Variants in CCSER2 observed in about 807,000 individuals in gnomAD.
CCSER2 encodes the protein serine-rich coiled-coil domain-containing protein 2.
CCSER2 carries 46 observed loss-of-function variants against 92.3 expected under a neutral mutation model. The ratio of observed to expected loss-of-function variants is 0.50; its 90% CI spans 0.39 to 0.64. CCSER2 has a LOEUF of 0.64. Ranked by LOEUF, CCSER2 falls within the 30% of genes least tolerant of loss-of-function variation. The pLI, the probability that CCSER2 is intolerant of heterozygous loss-of-function variation, is 0.00. For missense variants in CCSER2, 1,244 were observed against 1,238.9 expected (o/e 1.00, Z -0.06); for synonymous variants, 433 against 431.4 (o/e 1.00, Z -0.04).
intron 4 of CCSER2, among the ~76,000 whole-genome samples, chr10:84,420,687 G>A (rs772810165): frequency 3.9e-5 from 6 of 151,942 alleles, no homozygotes; most frequent in Non-Finnish European, 7.4e-5. Flanking sequence ...TAATCCCAGC[G>A]CTTTGGGAGG....
At chr10:84,417,920 C>T (rs899549836) in intron 4 of CCSER2, 59 bp downstream of exon 4, 1 of 839,852 alleles carries the variant, frequency 1.2e-6, no homozygotes, top group Non-Finnish European at 2.1e-6. Flanking sequence ...CGACTGTAGC[C>T]AATTTGATAT....
chr10:84,355,501 C>A (rs1459744772), intron 1 of CCSER2, among the ~76,000 whole-genome samples: 8 of 152,184 alleles, frequency 5.3e-5, no homozygotes, highest in Non-Finnish European at 2.9e-5. Flanking sequence ...CCCAGTTAAG[C>A]ACTTTCTTTT....
At chr10:84,347,752 C>T (rs1316926900) in intron 1 of CCSER2, among the ~76,000 whole-genome samples, 24 of 149,420 alleles carry the variant, frequency 1.6e-4, no homozygotes, top group Middle Eastern at 3.6e-3. Flanking sequence ...GGGCGGCTGC[C>T]GGGCGGAGGG....
At chr10:84,394,218 C>T (rs1841691794) in intron 3 of CCSER2, among the ~76,000 whole-genome samples, 1 of 152,126 alleles carries the variant, frequency 6.6e-6, no homozygotes, top group South Asian at 2.1e-4. Context: ...CTACTATGCT[C>T]CAGGCATACT....
At chr10:84,444,695 G>T (rs1365116680) in intron 6 of CCSER2, among the ~76,000 whole-genome samples, 2 of 152,140 alleles carry the variant, frequency 1.3e-5, no homozygotes, top group Non-Finnish European at 2.9e-5. Context: ...CCAAACCCAA[G>T]CAAAGGAATC....
At chr10:84,341,091 C>T (rs1052403321) in intron 1 of CCSER2, among the ~76,000 whole-genome samples, 7 of 135,312 alleles carry the variant, frequency 5.2e-5, no homozygotes, top group African/African-American at 1.5e-4. Flanking sequence ...CCCAGGCTGG[C>T]GTGCAGTGGC....
intron 3 of CCSER2, among the ~76,000 whole-genome samples, chr10:84,409,345 G>T (rs1842532687): frequency 6.6e-6 from 1 of 151,236 alleles, no homozygotes; most frequent in African/African-American, 2.4e-5. Flanking sequence ...TCCTTATGTT[G>T]CCCAGGCTGG....
At chr10:84,366,369 A>G (rs940233722) in intron 1 of CCSER2, among the ~76,000 whole-genome samples, 2 of 152,194 alleles carry the variant, frequency 1.3e-5, no homozygotes, top group Admixed American at 1.3e-4. Flanking sequence ...TTATGAATTT[A>G]CTTAAAAGTT....
chr10:84,491,253 A>G (rs572218732), intron 9 of CCSER2, among the ~76,000 whole-genome samples: 2 of 152,068 alleles, frequency 1.3e-5, no homozygotes, highest in South Asian at 2.1e-4. Flanking sequence ...GAGAACCACT[A>G]CTCTCTTCAA....
intron 9 of CCSER2, among the ~76,000 whole-genome samples, chr10:84,504,314 A>G (rs1355728902): frequency 6.8e-6 from 1 of 148,116 alleles, no homozygotes; most frequent in Non-Finnish European, 1.5e-5. Context: ...TTTTTTTTGC[A>G]GAAATACTGT....
chr10:84,360,327 TCAGTTGTGGTTC>T (rs1461362372), intron 1 of CCSER2, among the ~76,000 whole-genome samples: 4 of 152,240 alleles, frequency 2.6e-5, no homozygotes, highest in Non-Finnish European at 1.5e-5. Context: ...TCTGTATTTA[TCAGTTGTGGTTC>T]TTCTATAAAG....
At chr10:84,378,700 A>T (rs768562779) in intron 3 of CCSER2, among the ~76,000 whole-genome samples, 3 of 152,220 alleles carry the variant, frequency 2.0e-5, no homozygotes, top group Non-Finnish European at 4.4e-5. Flanking sequence ...CTCCCAAAAT[A>T]GTGGGATTAC....
rs530304554 is a variant in CCSER2, at chr10:84,377,412, T to A, written c.1614+3597T>A. 5.3e-5 allele frequency among the ~76,000 whole-genome samples: 8 copies of A among 152,346 alleles called. No homozygotes were observed. The South Asian group carries it at 1.7e-3, about 32-fold the overall frequency. On this transcript the variant is annotated intron_variant, in intron 3 of 9. Transcript: ENST00000372088. Reference sequence around the variant, plus strand: ...TGTCACGATTAATTTATTTTAGTCATCTTTCCCCCACTGTACTTCAGGGTC... The same window carrying A: ...TGTCACGATTAATTTATTTTAGTCAACTTTCCCCCACTGTACTTCAGGGTC...
At chr10:84,348,693 A>G (rs1844689956) in intron 1 of CCSER2, among the ~76,000 whole-genome samples, 1 of 152,136 alleles carries the variant, frequency 6.6e-6, no homozygotes, top group Admixed American at 6.5e-5. Context: ...AATTTGAATT[A>G]TTTGGCATGA....
At position 84,453,869 on chromosome 10, in the gene CCSER2, T is replaced by C. The variant is rs566515709; in HGVS notation, c.2065-10064T>C. 1.2e-4 allele frequency among the ~76,000 whole-genome samples: 18 copies of C among 152,334 alleles called. No homozygotes were observed. The South Asian group carries it at 2.1e-3, about 18-fold the overall frequency. On this transcript the variant is annotated intron_variant, in intron 6 of 9. Transcript: ENST00000372088. ...TATTAATACTTTCCTTCTTTAATGG[T>C]ACCCTGCTTCTCGTGTTACAATAAT...
At chr10:84,506,400 T>C (rs1196070929) in intron 9 of CCSER2, among the ~76,000 whole-genome samples, 1 of 152,212 alleles carries the variant, frequency 6.6e-6, no homozygotes, top group African/African-American at 2.4e-5. Context: ...GTATTAGGGA[T>C]ACAAATTAAG....
chr10:84,507,284 C>T (rs1849109302), intron 9 of CCSER2: 4 of 984,288 alleles, frequency 4.1e-6, no homozygotes, highest in Non-Finnish European at 3.6e-6. Context: ...CCCATTATGC[C>T]ATTGGCAAGG....
chr10:84,343,412 G>C (rs1469333029), intron 1 of CCSER2, among the ~76,000 whole-genome samples: 1 of 152,086 alleles, frequency 6.6e-6, no homozygotes, highest in African/African-American at 2.4e-5. Context: ...ATCTAGAGTA[G>C]ACCACTATAA....
intron 8 of CCSER2, among the ~76,000 whole-genome samples, chr10:84,476,435 C>CTTTTTTTT (rs35978182): frequency 1.7e-5 from 1 of 58,510 alleles, no homozygotes; most frequent in Non-Finnish European, 3.0e-5. Flanking sequence ...AATTCTCTCT[C>CTTTTTTTT]TTTTTTTTTT....
Sources: allele counts gnomAD v4.1 joint callset (sites outside exome capture counted in the v4.1 genomes callset), GRCh38; gene constraint gnomAD v4.1.1; transcripts MANE v1.5; gene names NCBI Gene and HGNC (gene_info 2026-07-23, HGNC 2026-07-21).